CAMTA2: variants seen among roughly 807,000 people sequenced by gnomAD.
CAMTA2 encodes calmodulin-binding transcription activator 2.
Under a neutral mutation model 135.7 loss-of-function variants are expected in CAMTA2, and 56 were observed. That is an observed-to-expected ratio of 0.41 (90% CI 0.33 to 0.52). CAMTA2 has a LOEUF of 0.52. CAMTA2 is among the 20% of genes least tolerant of loss of function. The pLI, the probability that CAMTA2 is intolerant of heterozygous loss-of-function variation, is 0.16. For synonymous variants in CAMTA2, 591 were observed against 604.6 expected, an observed-to-expected ratio of 0.98 and a Z score of 0.33; for missense variants, 1,358 against 1,553.4, an observed-to-expected ratio of 0.87 and a Z score of 2.11.
Position 4,973,738 on chromosome 17 carries a change from C to G in CAMTA2, c.2048G>C (p.Arg683Pro). 6.2e-7 allele frequency: 1 copy of G among 1,612,470 alleles called. No homozygotes were observed. The highest frequency in any genetic ancestry group is 8.5e-7 in the Non-Finnish European group (1 of 1,178,822). Residue 683 changes from arginine (R) to proline (P), a missense_variant, in exon 13 of 23, where the codon CGG (arginine) becomes CCG (proline). Physicochemically the swap from Arg to Pro is moderately radical, Grantham distance 103. Around this residue, in one of 4 missense-constraint regions of CAMTA2, gnomAD observed 1,077 missense variants for 1,127.5 expected, o/e 0.96. Transcript: ENST00000348066. ...CATGCTTTCTACCAAGACCACTACC[C>G]GTGCTTCGAACCCAGGCCCCTGGCC... Reference protein sequence around the residue: ...DEGQGPGFEARVVVLVESMIP... With the variant: ...DEGQGPGFEAPVVVLVESMIP...
At chr17:4,981,864 G>T (rs753058084) in intron 6 of CAMTA2, 33 bp from the exon 7 acceptor site, 2 of 1,557,696 alleles carry the variant, frequency 1.3e-6, no homozygotes, top group Non-Finnish European at 1.7e-6. Flanking sequence ...AGAGCCATGG[G>T]GTCCTGAGGT....
intron 13 of CAMTA2, 89 bp downstream of exon 13, chr17:4,973,495 GT>G: frequency 7.4e-7 from 1 of 1,351,306 alleles, no homozygotes; most frequent in Non-Finnish European, 1.0e-6. Flanking sequence ...CTCCCTCTTG[GT>G]AGGGCCCCAG....
chr17:4,986,810 A>G, intron 1 of CAMTA2: 1 of 656,564 alleles, frequency 1.5e-6, no homozygotes, highest in South Asian at 1.7e-5. Flanking sequence ...TCTCTCCTCC[A>G]GGTTGGTTAG....
intron 3 of CAMTA2, among the ~76,000 whole-genome samples, chr17:4,984,995 C>A (rs57562700): frequency 0.053 from 7,755 of 146,912 alleles, 311 homozygotes; most frequent in East Asian, 0.2. Flanking sequence ...CCAGCCTGGG[C>A]GACAGAGCGA....
rs1023861256 is a variant in CAMTA2, at chr17:4,968,300, G to A, written c.*456C>T. ...GGGTAAGACAGGGCCAGAGAGGGAG[G>A]AAACAGACGCAAACATGCGGAGTCG... On this transcript the variant is annotated 3_prime_UTR_variant, in exon 23 of 23. Coordinates refer to ENST00000348066, the MANE Select transcript of CAMTA2 (RefSeq NM_015099.4). The A allele has an allele frequency of 3.6e-6, 1 of 275,958 alleles. No individual in the cohort carries two copies. The highest frequency in any genetic ancestry group is 4.9e-5 in the Admixed American group (1 of 20,258). The allele number at this position is 275,958 out of a possible 1,614,324, so 17.1% of individuals were successfully genotyped here. A position where few individuals can be genotyped will look rare whatever the true frequency, so the allele number is the denominator to read the frequency against.
intron 3 of CAMTA2, among the ~76,000 whole-genome samples, chr17:4,984,086 G>A (rs1973122138): frequency 6.6e-6 from 1 of 152,106 alleles, no homozygotes; most frequent in Non-Finnish European, 1.5e-5. Flanking sequence ...GAGTAGCTGG[G>A]ACTACAGGCG....
In CAMTA2 at chr17:4,968,001, G is replaced by A. The variant is rs1972016167; in HGVS notation, c.*755C>T. 3.4e-6 allele frequency: 2 copies of A among 586,080 alleles called. No individual in the cohort carries two copies. Among genetic ancestry groups the A allele is most frequent in the East Asian group, 2.8e-5 (1 of 35,140 alleles). The allele number at this position is 586,080 out of a possible 1,614,324, so 36.3% of individuals were successfully genotyped here. On this transcript the variant is annotated 3_prime_UTR_variant, in exon 23 of 23. Transcript: ENST00000348066. Reference sequence around the variant, plus strand: ...AGACAGAGGCCGGAGGCTGGCTGGTGCAGCGATGTTTAATGGCAATTCGTA... The same window carrying A: ...AGACAGAGGCCGGAGGCTGGCTGGTACAGCGATGTTTAATGGCAATTCGTA...
chr17:4,987,374 CG>C, intron 1 of CAMTA2: 11 of 1,360,460 alleles, frequency 8.1e-6, no homozygotes, highest in Non-Finnish European at 1.0e-5. Context: ...GTGCCGGGTG[CG>C]GGGGTCTCCG....
chr17:4,971,186 G>A (rs763227041), intron 16 of CAMTA2, among the ~76,000 whole-genome samples: 2 of 152,152 alleles, frequency 1.3e-5, no homozygotes, highest in Non-Finnish European at 2.9e-5. Flanking sequence ...TTTATCATGT[G>A]CAAGCCTCCT....
At chr17:4,974,717 C>G in intron 11 of CAMTA2, 1 of 492,742 alleles carries the variant, frequency 2.0e-6, no homozygotes, top group Non-Finnish European at 3.7e-6. Flanking sequence ...ATCTAGAACC[C>G]AGATCTGGAA....
Position 4,972,555 on chromosome 17 carries a change from G to C in CAMTA2, c.2504-19C>G. 1 of 1,596,162 alleles carries C rather than the reference G, an allele frequency of 6.3e-7. No homozygotes were observed. Among genetic ancestry groups the C allele is most frequent in the Non-Finnish European group, 8.5e-7 (1 of 1,172,286 alleles). ...CTCAGACCTGTGTGGGGAGGGAAGA[G>C]AGTGAGGGCAGCCGGAGCCACGGCC... On this transcript the variant is annotated intron_variant, in intron 15 of 22. Transcript: ENST00000348066.
In CAMTA2 at chr17:4,976,036, C is replaced by T. The variant is rs541690218; in HGVS notation, c.1900+1022G>A. Reference sequence around the variant, plus strand: ...TTTCTTTTTTTTTGAGACGGAGTCTCGCTCTGTCGCCCAGGCTGGAGTGCA... The same window carrying T: ...TTTCTTTTTTTTTGAGACGGAGTCTTGCTCTGTCGCCCAGGCTGGAGTGCA... On this transcript the variant is annotated intron_variant, in intron 11 of 22. Coordinates refer to ENST00000348066, the MANE Select transcript of CAMTA2 (RefSeq NM_015099.4). Among the ~76,000 whole-genome samples the T allele has an allele frequency of 5.8e-4, 88 of 152,206 alleles. 1 individual carries two copies. The highest frequency in any genetic ancestry group is 1.1e-3 in the Non-Finnish European group (74 of 68,010).
At chr17:4,973,412 G>C (rs904209118) in intron 13 of CAMTA2, among the ~76,000 whole-genome samples, 159 bp from the exon 14 acceptor site, 1 of 152,230 alleles carries the variant, frequency 6.6e-6, no homozygotes. Flanking sequence ...TCAAAGTGTT[G>C]TAAGTCAGGA....
At position 4,986,267 on chromosome 17, in the gene CAMTA2, G is replaced by A. The variant is rs201093195; in HGVS notation, c.-45C>T. The stretch of plus-strand genomic sequence containing the variant: ...AAGGTCACCCCCGGCCTGAGGGGCC[G>A]GGGGGAGGGGGAGTCTGTGCTGGGA... On this transcript the variant is annotated 5_prime_UTR_variant, in exon 2 of 23. Coordinates refer to ENST00000348066, the MANE Select transcript of CAMTA2 (RefSeq NM_015099.4). The A allele has an allele frequency of 3.5e-4, 511 of 1,478,334 alleles. 1 individual carries two copies. Among genetic ancestry groups the A allele is most frequent in the South Asian group, 8.7e-4 (75 of 86,084 alleles). The allele number at this position is 1,478,334 out of a possible 1,614,324, so 91.6% of individuals were successfully genotyped here.
intron 11 of CAMTA2, 94 bp downstream of exon 11, chr17:4,976,964 C>T: frequency 1.6e-6 from 2 of 1,225,724 alleles, no homozygotes; most frequent in Non-Finnish European, 2.2e-6. Context: ...AGTGGGGGCT[C>T]AGTGATGGCC....
chr17:4,985,509 C>T (rs1237978541), intron 3 of CAMTA2, among the ~76,000 whole-genome samples: 2 of 152,146 alleles, frequency 1.3e-5, no homozygotes, highest in African/African-American at 2.4e-5. Flanking sequence ...CTGCAGCCTC[C>T]GCCTCCCTGG....
Position 4,979,932 on chromosome 17 carries a change from AAGGTATGGGTGGGGC to A in CAMTA2, c.1375_1389del (p.Ala459_Pro463del), listed in dbSNP as rs1373300422. The A allele has an allele frequency of 6.2e-7, 1 of 1,611,934 alleles. No individual in the cohort carries two copies. The highest frequency in any genetic ancestry group is 2.2e-5 in the East Asian group (1 of 44,844). On this transcript the variant is annotated inframe_deletion, in exon 9 of 23. Coordinates refer to ENST00000348066, the MANE Select transcript of CAMTA2 (RefSeq NM_015099.4). ...GAGGGTGGGGGTGAGGGAGGGGGTG[AAGGTATGGGTGGGGC>A]AGCCCCGTGACCCTTGAGCTCCTCC...
At chr17:4,971,755 C>T (rs1182538601) in intron 16 of CAMTA2, among the ~76,000 whole-genome samples, 1 of 142,368 alleles carries the variant, frequency 7.0e-6, no homozygotes, top group African/African-American at 2.6e-5. Flanking sequence ...GTGGTGCAGT[C>T]TCGGCTCACT....
chr17:4,969,266 C>G lies in CAMTA2; in HGVS notation c.3354G>C (p.Gln1118His), dbSNP rs917578475. Residue 1118 changes from glutamine to histidine, a missense_variant, in exon 21 of 23, where the codon CAG becomes CAC. By Grantham distance (24) the Gln-to-His change is conservative. This residue lies in a region of CAMTA2 where 167 missense variants were observed against 207.0 expected (regional missense o/e 0.81). Transcript: ENST00000348066. The surrounding 1 kb of genome is among the most constrained non-coding windows in gnomAD (Gnocchi z 5.6). ...IQSKFRSYYE[Q>H]KRFQQSRRAA... is the part of the protein sequence containing the mutation. ...CTCGGCGGCTCTGCTGAAATCGCTTCTGTTCATAGTAGCTTCGGAACTTGC... is the reference window on the plus strand; with the variant it reads ...CTCGGCGGCTCTGCTGAAATCGCTTGTGTTCATAGTAGCTTCGGAACTTGC... 5.1e-5 allele frequency: 83 copies of G among 1,613,980 alleles called. No individual in the cohort carries two copies. The highest frequency in any genetic ancestry group is 6.8e-5 in the Non-Finnish European group (80 of 1,180,058).
Sources: gnomAD v4.1 joint callset for allele counts (sites outside exome capture counted in the v4.1 genomes callset) on GRCh38, gnomAD v4.1.1 for gene constraint, gnomAD v4.1.1 regional missense constraint, Gnocchi (gnomAD v3.1) non-coding constraint, MANE v1.5 for transcripts, NCBI Gene and HGNC (gene_info 2026-07-23, HGNC 2026-07-21) for gene names.